Variants in PSD4 observed in about 807,000 individuals in gnomAD.
The protein encoded by PSD4 is PH and SEC7 domain-containing protein 4.
In PSD4, 59 loss-of-function variants were observed where a neutral mutation model predicts 112.5. That is an observed-to-expected ratio of 0.52 (90% CI 0.43 to 0.65). The LOEUF (loss-of-function observed/expected upper bound fraction) is 0.65, where lower values mean the gene tolerates loss of function less well. Ranked by LOEUF, PSD4 falls within the 30% of genes least tolerant of loss-of-function variation. PSD4 has a pLI of 0.00. For missense variants in PSD4, 1,267 were observed against 1,352.6 expected, an observed-to-expected ratio of 0.94 and a Z score of 0.99; for synonymous variants, 533 against 540.0, an observed-to-expected ratio of 0.99 and a Z score of 0.18.
rs1688847458 is a variant in PSD4 at position 113,205,297 on chromosome 2, G to C, written c.*3882G>C. 6.6e-6 allele frequency: 1 copy of C among 152,140 alleles called. No homozygotes were observed. The highest frequency in any genetic ancestry group is 2.4e-5 in the African/African-American group (1 of 41,422). The allele number at this position is 152,140 out of a possible 1,614,324, so 9.4% of individuals were successfully genotyped here. On this transcript the variant is annotated 3_prime_UTR_variant, in exon 17 of 17. Transcript: ENST00000245796. ...CAGTGCAATTTTTAAAGAGAAGAGT[G>C]CCAAGCTCAGGGCTTGGAGGACAGC...
chr2:113,179,862 G>A (rs34461072), intron 1 of PSD4, among the ~76,000 whole-genome samples: 7,839 of 152,252 alleles, frequency 0.051, 411 homozygotes, highest in African/African-American at 0.14. Flanking sequence ...CCTGAAGGCC[G>A]GTCAGGGACC....
intron 1 of PSD4, among the ~76,000 whole-genome samples, chr2:113,181,286 G>C (rs1688131736): frequency 6.6e-6 from 1 of 151,474 alleles, no homozygotes; most frequent in Non-Finnish European, 1.5e-5. Flanking sequence ...ATAAGGACCT[G>C]TGTACTTGAC....
intron 6 of PSD4, 47 bp from the exon 7 acceptor site, chr2:113,193,001 C>T (rs775717001): frequency 1.9e-6 from 3 of 1,579,746 alleles, no homozygotes; most frequent in Admixed American, 1.7e-5. Flanking sequence ...TCTGCAGCCC[C>T]AGCCCAGGCC....
At chr2:113,199,520 T>G (rs575142399) in intron 16 of PSD4, among the ~76,000 whole-genome samples, 1 of 152,390 alleles carries the variant, frequency 6.6e-6, no homozygotes, top group South Asian at 2.1e-4. Context: ...AGATGTTATT[T>G]TACAGTTTTC....
rs1043853284 is a variant in PSD4 at position 113,209,328 on chromosome 2, C to T, written c.*7913C>T. 1 of 152,088 alleles carries T rather than the reference C, an allele frequency of 6.6e-6. No individual in the cohort carries two copies. Among genetic ancestry groups the T allele is most frequent in the Non-Finnish European group, 1.5e-5 (1 of 68,028 alleles). The allele number at this position is 152,088 out of a possible 1,614,324, so 9.4% of individuals were successfully genotyped here. On this transcript the variant is annotated 3_prime_UTR_variant, in exon 17 of 17. Coordinates refer to ENST00000245796, the MANE Select transcript of PSD4 (RefSeq NM_012455.3). ...GGCATGCATATCATATGAGCAGTCT[C>T]AAATCCTCCCCAGAACAAGGTGAGG...
chr2:113,187,043 C>T (rs1010121057), intron 5 of PSD4, among the ~76,000 whole-genome samples: 4 of 152,188 alleles, frequency 2.6e-5, no homozygotes, highest in Admixed American at 1.3e-4. Context: ...CCGAGCTCAG[C>T]GCCTTGAATG....
chr2:113,175,540 G>A (rs45499399), intron 1 of PSD4, among the ~76,000 whole-genome samples: 1,858 of 152,276 alleles, frequency 0.012, 34 homozygotes, highest in African/African-American at 0.043. Context: ...AGCAACATCT[G>A]TAATTCGGCA....
intron 8 of PSD4, 25 bp from the exon 9 acceptor site, chr2:113,193,567 C>G (rs762705223): frequency 6.2e-7 from 1 of 1,607,016 alleles, no homozygotes; most frequent in Admixed American, 1.7e-5. Flanking sequence ...TGAGCTTTCT[C>G]TCCACTTACC....
At chr2:113,177,305 G>C (rs758423294) in intron 1 of PSD4, among the ~76,000 whole-genome samples, 1 of 152,196 alleles carries the variant, frequency 6.6e-6, no homozygotes, top group Non-Finnish European at 1.5e-5. Flanking sequence ...CTTCTGGCCT[G>C]GTTGTTGTGG....
intron 10 of PSD4, among the ~76,000 whole-genome samples, chr2:113,195,417 C>T (rs1287417371): frequency 6.6e-6 from 1 of 152,176 alleles, no homozygotes; most frequent in East Asian, 1.9e-4. Flanking sequence ...CCGCCTCGGC[C>T]TCCCAAAGTG....
In PSD4 at chr2:113,186,146, G is replaced by A. The variant is rs1454645746; in HGVS notation, c.1519G>A (p.Glu507Lys). The stretch of plus-strand genomic sequence containing the variant: ...ACAGCCAAGTTCCTTGAAGAAAAAG[G>A]AGGCAGGGGAGGCCCCAAAACCAGG... ...GEQPSSLKKKEAGEAPKPGEE... is the reference protein window; with the variant it reads ...GEQPSSLKKKKAGEAPKPGEE... Residue 507 changes from glutamate (E) to lysine (K), a missense_variant, in exon 5 of 17, where the codon GAG (glutamate) becomes AAG (lysine). Physicochemically the swap from Glu to Lys is moderately conservative, Grantham distance 56. Around this residue, in one of 2 missense-constraint regions of PSD4, gnomAD observed 723 missense variants for 704.0 expected, o/e 1.03. Transcript: ENST00000245796. 9.9e-6 allele frequency: 16 copies of A among 1,614,070 alleles called. No homozygotes were observed. Among genetic ancestry groups the A allele is most frequent in the Admixed American group, 1.7e-5 (1 of 60,000 alleles).
In PSD4 at chr2:113,197,776, G is replaced by A; in HGVS notation, c.2487G>A (p.Glu829=). The change falls in exon 14 of 17, where the codon GAG becomes GAA. Residue 829 remains glutamate (E), a synonymous_variant. Transcript: ENST00000245796. ...GAGAAGACCACTGTCTGGAGGGGGA[G>A]AGCTTGGTGGGGCAGATGGTGGATG... is the stretch of plus-strand genomic sequence containing the variant. ...KQGEDHCLEG[E]SLVGQMVDEP... 3 of 1,610,664 alleles carry A rather than the reference G, an allele frequency of 1.9e-6. No homozygotes were observed. The South Asian group carries it at 3.3e-5, about 18-fold the overall frequency.
Position 113,193,033 on chromosome 2 carries a change from C to A in PSD4, c.1839-15C>A. 1.9e-6 allele frequency: 3 copies of A among 1,612,766 alleles called. No individual in the cohort carries two copies. Among genetic ancestry groups the A allele is most frequent in the Non-Finnish European group, 2.5e-6 (3 of 1,178,818 alleles). On this transcript the variant is annotated splice_polypyrimidine_tract_variant and intron_variant, in intron 6 of 16. Transcript: ENST00000245796. ...GGCCCCTGGTGCAGACTCCATGCCC[C>A]TTTTCCCTCTGCAGCAATGACTTTA...
Position 113,201,742 on chromosome 2 carries a change from T to C in PSD4, c.*327T>C. Reference sequence around the variant, plus strand: ...CCAGGCCCCAGAATCCAGAGTGGCCTCATTTCCTAGACTTGCTGAGAACTC... The same window carrying C: ...CCAGGCCCCAGAATCCAGAGTGGCCCCATTTCCTAGACTTGCTGAGAACTC... On this transcript the variant is annotated 3_prime_UTR_variant, in exon 17 of 17. Transcript: ENST00000245796. 2.7e-6 allele frequency: 1 copy of C among 366,032 alleles called. No homozygotes were observed. The allele number at this position is 366,032 out of a possible 1,614,324, so 22.7% of individuals were successfully genotyped here.
At position 113,195,165 on chromosome 2, in the gene PSD4, C is replaced by CTTT. The variant is rs10603865; in HGVS notation, c.2182-550_2182-548dup. ...GGGACTTGTCTGCCCTGGTCATCAT[C>CTTT]TTTTTTTTTTTTTTGAGATGGAGTC... On this transcript the variant is annotated intron_variant, in intron 10 of 16. Coordinates refer to ENST00000245796, the MANE Select transcript of PSD4 (RefSeq NM_012455.3). Among the ~76,000 whole-genome samples the CTTT allele has an allele frequency of 1.8e-3, 266 of 145,870 alleles. 4 individuals carry two copies. The highest frequency in any genetic ancestry group is 0.018 in the East Asian group (90 of 4,954).
In PSD4 at chr2:113,197,491, A is replaced by G; in HGVS notation, c.2387-73A>G. Reference sequence around the variant, plus strand: ...TGTGAGGGACAGGGGGCATATGCACACTTGCGTGTGTCTGAGTGTGTCTGG... The same window carrying G: ...TGTGAGGGACAGGGGGCATATGCACGCTTGCGTGTGTCTGAGTGTGTCTGG... On this transcript the variant is annotated intron_variant, in intron 12 of 16. Transcript: ENST00000245796. 1.9e-6 allele frequency: 3 copies of G among 1,548,752 alleles called. No homozygotes were observed. The South Asian group carries it at 3.4e-5, about 18-fold the overall frequency.
Position 113,208,750 on chromosome 2 carries a change from C to T in PSD4, c.*7335C>T, listed in dbSNP as rs766941924. ...CCTCTACATGTCCACATTCGCTGCTCTGACCCTGAGTTGGACCCAGCTAGG... is the reference window on the plus strand; with the variant it reads ...CCTCTACATGTCCACATTCGCTGCTTTGACCCTGAGTTGGACCCAGCTAGG... On this transcript the variant is annotated 3_prime_UTR_variant, in exon 17 of 17. Transcript: ENST00000245796. 2.0e-5 allele frequency: 3 copies of T among 152,260 alleles called. No homozygotes were observed. Among genetic ancestry groups the T allele is most frequent in the Non-Finnish European group, 4.4e-5 (3 of 68,074 alleles). 9.4% of individuals were successfully genotyped at this position (152,260 alleles called of 1,614,324 possible).
intron 8 of PSD4, 110 bp from the exon 9 acceptor site, chr2:113,193,482 A>C (rs1281297848): frequency 1.3e-5 from 20 of 1,491,214 alleles, no homozygotes; most frequent in Admixed American, 3.4e-5. Context: ...GGGGCTGTGG[A>C]GAATGGAAGC....
rs757878629 is a variant in PSD4, at chr2:113,184,973, C to T, written c.1073C>T (p.Pro358Leu). ...ACTTCTCAGGGAGATAGGCTTGGTC[C>T]TGCTCCATCTGCAGCACCGTGTGTG... ...HGESEGDRLGPAPSAAPCVDE... is the reference protein window; with the variant it reads ...HGESEGDRLGLAPSAAPCVDE... The change falls in exon 3 of 17, where the codon CCT (proline) becomes CTT (leucine). Residue 358 changes from proline to leucine, a missense_variant. This residue lies in a region of PSD4 where 723 missense variants were observed against 704.0 expected (regional missense o/e 1.03). Transcript: ENST00000245796. 1.9e-5 allele frequency: 31 copies of T among 1,614,098 alleles called. No homozygotes were observed. The Admixed American group carries it at 2.3e-4, about 12-fold the overall frequency.
Sources: allele counts gnomAD v4.1 joint callset (sites outside exome capture counted in the v4.1 genomes callset), GRCh38; gene constraint gnomAD v4.1.1; regional missense constraint gnomAD v4.1.1; transcripts MANE v1.5; gene names NCBI Gene and HGNC (gene_info 2026-07-23, HGNC 2026-07-21).